The following ERAP2 variants were observed in gnomAD, a reference collection of about 807,000 sequenced individuals.
ERAP2 encodes endoplasmic reticulum aminopeptidase 2, also known as leukocyte-derived arginine aminopeptidase.
Under a neutral mutation model 111.1 loss-of-function variants are expected in ERAP2, and 118 were observed. The observed-to-expected ratio is 1.06, with a 90% CI of 0.92 to 1.24. The LOEUF is 1.24. ERAP2 is among the 50% of genes most tolerant of loss of function. The pLI is 0.00. For missense variants in ERAP2, 1,131 were observed against 1,125.8 expected, an observed-to-expected ratio of 1.00 and a Z score of -0.07; for synonymous variants, 410 against 401.2, an observed-to-expected ratio of 1.02 and a Z score of -0.26.
rs1787673853 is a variant in ERAP2, at chr5:96,918,375, A to T, written c.*770A>T. 6.6e-6 allele frequency: 1 copy of T among 152,222 alleles called. No homozygotes were observed. Among genetic ancestry groups the T allele is most frequent in the Admixed American group, 6.5e-5 (1 of 15,286 alleles). 9.4% of individuals were successfully genotyped at this position (152,222 alleles called of 1,614,324 possible). On this transcript the variant is annotated 3_prime_UTR_variant, in exon 19 of 19. Transcript: ENST00000437043. The stretch of plus-strand genomic sequence containing the variant: ...AGCCAATGCATAAAATATACAAACT[A>T]TGAAAGGCAAGGATCAGGAAACCAG...
chr5:96,906,177 C>T (rs1220502787), intron 13 of ERAP2, among the ~76,000 whole-genome samples: 1 of 110,978 alleles, frequency 9.0e-6, no homozygotes, highest in Non-Finnish European at 1.9e-5. Flanking sequence ...CACGACACGA[C>T]ACTGTCTCTT....
In ERAP2 at chr5:96,886,730, G is replaced by C; in HGVS notation, c.790G>C (p.Val264Leu). ...ETTVKMSTYLVAYIVCDFHSL... is the reference protein window; with the variant it reads ...ETTVKMSTYLLAYIVCDFHSL... ...TACTGTAAAAATGAGTACATACCTT[G>C]TAGCCTACATAGTTTGTGATTTCCA... The change falls in exon 4 of 19, where the codon GTA becomes CTA. Residue 264 changes from valine (V) to leucine (L), a missense_variant. Transcript: ENST00000437043. 6.5e-7 allele frequency: 1 copy of C among 1,547,714 alleles called. No individual in the cohort carries two copies. Among genetic ancestry groups the C allele is most frequent in the South Asian group, 1.2e-5 (1 of 81,892 alleles).
Position 96,879,705 on chromosome 5 carries a change from TG to T in ERAP2, c.22del (p.Val8LeufsTer18). ...GATTTCATGTTCCATTCTTCTGCAATGGTTAATTCACACAGAAAACCAATGT... is the reference window on the plus strand; with the variant it reads ...GATTTCATGTTCCATTCTTCTGCAATGTTAATTCACACAGAAAACCAATGT... MFHSSA[M>X]VNSHRKPMFN... is the part of the protein sequence containing the mutation. On this transcript the variant is annotated frameshift_variant, in exon 2 of 19. Coordinates refer to ENST00000437043, the MANE Select transcript of ERAP2 (RefSeq NM_022350.5). LOFTEE classifies it high-confidence loss of function. 6.2e-7 allele frequency: 1 copy of T among 1,613,848 alleles called. No homozygotes were observed.
In ERAP2 at chr5:96,887,100, TACAC is replaced by T. The variant is rs137875303; in HGVS notation, c.849+335_849+338del. Among the ~76,000 whole-genome samples, 965 of 137,234 alleles carry T rather than the reference TACAC, an allele frequency of 7.0e-3. 9 individuals are homozygous for T. Among genetic ancestry groups the T allele is most frequent in the East Asian group, 0.016 (80 of 4,884 alleles). 90.0% of individuals were successfully genotyped at this position (137,234 alleles called of 152,430 possible). A position where few individuals can be genotyped will look rare whatever the true frequency, so the allele number is the denominator to read the frequency against. On this transcript the variant is annotated intron_variant, in intron 4 of 18. Transcript: ENST00000437043. ...ATATATATATATATATATATATATATACACACACACACACACACACACACACATA... is the reference window on the plus strand; with the variant it reads ...ATATATATATATATATATATATATATACACACACACACACACACACACATA...
chr5:96,876,464 A>G (rs2151103190), upstream of ERAP2: 1 of 152,494 alleles, frequency 6.6e-6, no homozygotes, highest in East Asian at 1.9e-4. Flanking sequence ...TCTGAATCTT[A>G]GAACAGAAAG....
At chr5:96,878,654 G>A (rs560958116) in intron 1 of ERAP2, among the ~76,000 whole-genome samples, 3 of 152,078 alleles carry the variant, frequency 2.0e-5, no homozygotes, top group South Asian at 4.2e-4. Flanking sequence ...ATGGCCAGGC[G>A]CAGTGACCCA....
At chr5:96,886,895 T>G in intron 4 of ERAP2, 106 bp downstream of exon 4, 1 of 1,090,640 alleles carries the variant, frequency 9.2e-7, no homozygotes, top group Non-Finnish European at 1.2e-6. Context: ...TATGTTTATA[T>G]TACAAGAAGA....
At chr5:96,887,741 C>T (rs534087917) in intron 4 of ERAP2, among the ~76,000 whole-genome samples, 7 of 152,280 alleles carry the variant, frequency 4.6e-5, no homozygotes, top group African/African-American at 1.2e-4. Context: ...TCAGTGAACA[C>T]ATTAAATAAA....
At chr5:96,916,468 T>C (rs1394540517) in intron 18 of ERAP2, among the ~76,000 whole-genome samples, 1 of 138,602 alleles carries the variant, frequency 7.2e-6, no homozygotes, top group Admixed American at 7.1e-5. Flanking sequence ...TTTTTTTTTT[T>C]TTTTTTTTTT....
intron 9 of ERAP2, 75 bp downstream of exon 9, chr5:96,896,938 A>C: frequency 7.0e-7 from 1 of 1,424,580 alleles, no homozygotes; most frequent in Non-Finnish European, 9.3e-7. Flanking sequence ...ATGTTTATAA[A>C]TAGCTATATA....
At chr5:96,879,069 G>A (rs1782870593) in intron 1 of ERAP2, among the ~76,000 whole-genome samples, 1 of 151,998 alleles carries the variant, frequency 6.6e-6, no homozygotes, top group Non-Finnish European at 1.5e-5. Flanking sequence ...CTACAAAAAA[G>A]GTAGCCGAGT....
chr5:96,891,404 CACATAT>C (rs1784344813), intron 5 of ERAP2, among the ~76,000 whole-genome samples: 2 of 149,530 alleles, frequency 1.3e-5, no homozygotes, highest in Middle Eastern at 3.5e-3. Flanking sequence ...CATACACACA[CACATAT>C]ACATATACAC....
chr5:96,908,978 T>C lies in ERAP2; in HGVS notation c.2030T>C (p.Leu677Pro). Residue 677 changes from leucine to proline, a missense_variant, in exon 14 of 19, where the codon CTA becomes CCA. Transcript: ENST00000437043. ...FQLVGAGRLT[L>P]DKALDMTYYL... Reference sequence around the variant, plus strand: ...TACTTCAGTGCAGGGAGACTGACCCTAGACAAAGCTCTTGACATGACTTAC... The same window carrying C: ...TACTTCAGTGCAGGGAGACTGACCCCAGACAAAGCTCTTGACATGACTTAC... 1.2e-6 allele frequency: 2 copies of C among 1,614,152 alleles called. No individual in the cohort carries two copies. Among genetic ancestry groups the C allele is most frequent in the South Asian group, 1.1e-5 (1 of 91,086 alleles).
chr5:96,881,272 C>G (rs1561357611), intron 2 of ERAP2: 2 of 385,186 alleles, frequency 5.2e-6, no homozygotes, highest in East Asian at 1.4e-4. Flanking sequence ...GAGGTCATTG[C>G]AGTAGTTCAG....
At chr5:96,909,902 T>A (rs1786524882) in intron 15 of ERAP2, 138 bp downstream of exon 15, 14 of 782,616 alleles carry the variant, frequency 1.8e-5, no homozygotes, top group Admixed American at 1.2e-4. Flanking sequence ...CCCTGTTTCA[T>A]GCTCTCACAT....
intron 4 of ERAP2, among the ~76,000 whole-genome samples, chr5:96,887,636 G>C (rs568921245): frequency 6.6e-6 from 1 of 152,104 alleles, no homozygotes; most frequent in South Asian, 2.1e-4. Flanking sequence ...TTCCCTCAAT[G>C]AAAGAAGATC....
At position 96,909,120 on chromosome 5, in the gene ERAP2, T is replaced by C; in HGVS notation, c.2169+3T>C. On this transcript the variant is annotated splice_donor_region_variant and intron_variant, in intron 14 of 18. Coordinates refer to ENST00000437043, the MANE Select transcript of ERAP2 (RefSeq NM_022350.5). ...CAGATATCTCTGAAAACCTCAAGGT[T>C]TGTGTTGCTTTTAGAAAATGTATTA... is the stretch of plus-strand genomic sequence containing the variant. 1.2e-6 allele frequency: 2 copies of C among 1,613,710 alleles called. No individual in the cohort carries two copies. Among genetic ancestry groups the C allele is most frequent in the Non-Finnish European group, 1.7e-6 (2 of 1,179,682 alleles).
Position 96,880,192 on chromosome 5 carries a change from A to G in ERAP2, c.507A>G (p.Gln169=), listed in dbSNP as rs2151113878. The stretch of plus-strand genomic sequence containing the variant: ...AATACTATGTGGCTATGGACTTCCA[A>G]GCCAAGTTAGGTGATGGCTTTGAAG... ...HLKYYVAMDF[Q]AKLGDGFEGF... is the part of the protein sequence containing the mutation. Residue 169 remains glutamine, a synonymous_variant, in exon 2 of 19, where the codon CAA becomes CAG. Coordinates refer to ENST00000437043, the MANE Select transcript of ERAP2 (RefSeq NM_022350.5). 1 of 1,614,140 alleles carries G rather than the reference A, an allele frequency of 6.2e-7. No homozygotes were observed. Among genetic ancestry groups the G allele is most frequent in the Non-Finnish European group, 8.5e-7 (1 of 1,180,016 alleles).
At position 96,886,032 on chromosome 5, in the gene ERAP2, C is replaced by G. The variant is rs532785463; in HGVS notation, c.715-623C>G. ...GACCATGACTCAAGCTGTCACGCAG[C>G]AAGTGAGAGAATGAGCATCATCTTT... On this transcript the variant is annotated intron_variant, in intron 3 of 18. Transcript: ENST00000437043. Among the ~76,000 whole-genome samples, 6 of 152,322 alleles carry G rather than the reference C, an allele frequency of 3.9e-5. No individual in the cohort carries two copies. The South Asian group carries it at 1.2e-3, about 32-fold the overall frequency.
Sources: gnomAD v4.1 joint callset for allele counts (sites outside exome capture counted in the v4.1 genomes callset) on GRCh38, gnomAD v4.1.1 for gene constraint, MANE v1.5 for transcripts, NCBI Gene and HGNC (gene_info 2026-07-23, HGNC 2026-07-21) for gene names.